The following MED27 variants were observed in gnomAD, a reference collection of about 807,000 sequenced individuals.
MED27 encodes mediator of RNA polymerase II transcription subunit 27.
Under a neutral mutation model 38.2 loss-of-function variants are expected in MED27, and 30 were observed. That is an observed-to-expected ratio of 0.79 (90% CI 0.59 to 1.07). The LOEUF (loss-of-function observed/expected upper bound fraction) is 1.07. Ranked by LOEUF, MED27 falls within the 50% of genes least tolerant of loss-of-function variation. MED27 has a pLI of 0.00. For synonymous variants in MED27, 122 were observed against 153.5 expected (o/e 0.79, Z 1.52); for missense variants, 289 against 397.5 (o/e 0.73, Z 2.32).
chr9:131,880,362 A>G (rs916663007), intron 6 of MED27, among the ~76,000 whole-genome samples: 3 of 152,200 alleles, frequency 2.0e-5, no homozygotes, highest in African/African-American at 7.2e-5. Flanking sequence ...AGGACTCACT[A>G]ATTTAATTCT....
At chr9:131,947,689 AAC>A (rs572105242) in intron 3 of MED27, among the ~76,000 whole-genome samples, 7 of 152,050 alleles carry the variant, frequency 4.6e-5, no homozygotes, top group African/African-American at 1.4e-4. Context: ...AGAAAAAAAA[AAC>A]ACACACACAC....
At chr9:132,065,702 G>A (rs1254522000) in intron 2 of MED27, among the ~76,000 whole-genome samples, 3 of 152,230 alleles carry the variant, frequency 2.0e-5, no homozygotes, top group Admixed American at 6.5e-5. Context: ...GTCCATGCCC[G>A]GGCTGGGCCC....
chr9:131,903,248 G>A (rs7043568), intron 4 of MED27, among the ~76,000 whole-genome samples: 504 of 152,332 alleles, frequency 3.3e-3, no homozygotes, highest in African/African-American at 0.011. Flanking sequence ...GATGGCAGCA[G>A]GCAAAGAGAG....
intron 2 of MED27, among the ~76,000 whole-genome samples, chr9:132,020,796 G>A (rs7043113): frequency 0.99 from 151,378 of 152,352 alleles, 75,212 homozygotes; most frequent in Middle Eastern, 1. Flanking sequence ...AATATCAGAT[G>A]ATGATATTAG....
chr9:131,880,012 C>T lies in MED27; in HGVS notation c.723+4046G>A, dbSNP rs573675224. Among the ~76,000 whole-genome samples, 40 of 152,376 alleles carry T rather than the reference C, an allele frequency of 2.6e-4. No individual in the cohort carries two copies. The East Asian group carries it at 7.5e-3, about 29-fold the overall frequency. On this transcript the variant is annotated intron_variant, in intron 6 of 7. Coordinates refer to ENST00000292035, the MANE Select transcript of MED27 (RefSeq NM_004269.4). Reference sequence around the variant, plus strand: ...AGGTCTCTGAATCTGCAAAGGACAACGTGGTCCCACCTCTGCACGTAGTGC... The same window carrying T: ...AGGTCTCTGAATCTGCAAAGGACAATGTGGTCCCACCTCTGCACGTAGTGC...
chr9:132,044,224 T>C (rs1458182302), intron 2 of MED27, among the ~76,000 whole-genome samples: 1 of 152,162 alleles, frequency 6.6e-6, no homozygotes, highest in Non-Finnish European at 1.5e-5. Flanking sequence ...CTGAGGGACC[T>C]GACATGGGCC....
chr9:131,902,339 G>A (rs1829965238), intron 4 of MED27, among the ~76,000 whole-genome samples: 1 of 152,144 alleles, frequency 6.6e-6, no homozygotes, highest in Non-Finnish European at 1.5e-5. Context: ...CAAGGGGGAT[G>A]AGGGAAACTG....
chr9:132,000,936 C>T (rs938263339), intron 3 of MED27, among the ~76,000 whole-genome samples: 6 of 151,390 alleles, frequency 4.0e-5, no homozygotes, highest in African/African-American at 1.2e-4. Flanking sequence ...GCCATCTTTA[C>T]AAAAAACTTA....
intron 2 of MED27, among the ~76,000 whole-genome samples, chr9:132,060,608 A>G (rs1833677271): frequency 6.6e-6 from 1 of 152,206 alleles, no homozygotes; most frequent in Non-Finnish European, 1.5e-5. Flanking sequence ...CCCACCAAGC[A>G]CACTGTGTTG....
At chr9:132,018,298 G>A (rs1037256244) in intron 2 of MED27, among the ~76,000 whole-genome samples, 3 of 152,154 alleles carry the variant, frequency 2.0e-5, no homozygotes, top group Non-Finnish European at 2.9e-5. Context: ...AAACTACTGG[G>A]AGTCCAAATT....
In MED27 at chr9:132,064,297, G is replaced by A. The variant is rs542242323; in HGVS notation, c.348+13145C>T. ...GGTGCTGAAGTCAGGGAATAAGGCC[G>A]GTCTCATGCACGGGCAAAATCGGCC... On this transcript the variant is annotated intron_variant, in intron 2 of 7. Coordinates refer to ENST00000292035, the MANE Select transcript of MED27 (RefSeq NM_004269.4). 3.3e-5 allele frequency among the ~76,000 whole-genome samples: 5 copies of A among 152,230 alleles called. No individual in the cohort carries two copies. In the South Asian group the frequency reaches 6.2e-4, roughly 19 times the overall value.
intron 4 of MED27, among the ~76,000 whole-genome samples, chr9:131,931,089 CA>C (rs1830577775): frequency 6.6e-6 from 1 of 151,726 alleles, no homozygotes; most frequent in Admixed American, 6.6e-5. Context: ...ATCAAAAATA[CA>C]AAAACTTAGC....
intron 2 of MED27, among the ~76,000 whole-genome samples, chr9:132,050,663 G>C (rs1432780416): frequency 6.6e-6 from 1 of 152,204 alleles, no homozygotes; most frequent in Non-Finnish European, 1.5e-5. Context: ...TGGACTTGCA[G>C]TTTCCTCTGC....
chr9:131,992,023 A>G (rs1473676320), intron 3 of MED27, among the ~76,000 whole-genome samples: 2 of 152,224 alleles, frequency 1.3e-5, no homozygotes, highest in Non-Finnish European at 2.9e-5. Flanking sequence ...GCTCAGCCAC[A>G]TGAATTATTA....
intron 2 of MED27, among the ~76,000 whole-genome samples, chr9:132,069,354 A>G (rs1833882244): frequency 6.6e-6 from 1 of 152,044 alleles, no homozygotes; most frequent in African/African-American, 2.4e-5. Flanking sequence ...CCAGGCAACA[A>G]TAAAGTGACT....
At chr9:131,901,820 C>T (rs1372291789) in intron 4 of MED27, among the ~76,000 whole-genome samples, 1 of 152,154 alleles carries the variant, frequency 6.6e-6, no homozygotes, top group Admixed American at 6.5e-5. Context: ...GCACACAGGG[C>T]AGGCAACTTT....
At position 131,861,218 on chromosome 9, in the gene MED27, G is replaced by A. The variant is rs375070072; in HGVS notation, c.802-546C>T. ...GGGGAGGGGTGGGGACAGCCCTGGT[G>A]CCACCAAATAACATCATAAGCAGCA... is the stretch of plus-strand genomic sequence containing the variant. On this transcript the variant is annotated intron_variant, in intron 7 of 7. Transcript: ENST00000292035. This position sits in a 1 kb window ranked among gnomAD's most constrained non-coding sequence, Gnocchi z 4.4. Among the ~76,000 whole-genome samples, 20 of 152,210 alleles carry A rather than the reference G, an allele frequency of 1.3e-4. No individual in the cohort carries two copies. The highest frequency in any genetic ancestry group is 6.2e-4 in the South Asian group (3 of 4,804).
At chr9:132,052,462 C>G (rs1833483739) in intron 2 of MED27, among the ~76,000 whole-genome samples, 1 of 152,090 alleles carries the variant, frequency 6.6e-6, no homozygotes, top group African/African-American at 2.4e-5. Flanking sequence ...TAAATACATA[C>G]ACAGGGAAAA....
At chr9:132,048,318 G>A (rs1001191609) in intron 2 of MED27, among the ~76,000 whole-genome samples, 17 of 152,054 alleles carry the variant, frequency 1.1e-4, no homozygotes, top group African/African-American at 1.2e-4. Context: ...TCAATTACTC[G>A]TTTCCAGTCC....
Sources: gnomAD v4.1 joint callset for allele counts (sites outside exome capture counted in the v4.1 genomes callset) on GRCh38, gnomAD v4.1.1 for gene constraint, Gnocchi (gnomAD v3.1) non-coding constraint, MANE v1.5 for transcripts, NCBI Gene and HGNC (gene_info 2026-07-23, HGNC 2026-07-21) for gene names.